PCNT: variants seen among roughly 807,000 people sequenced by gnomAD.
The protein encoded by PCNT is kendrin.
A neutral mutation model predicts 380.4 loss-of-function variants in PCNT; 319 were observed. The ratio of observed to expected loss-of-function variants is 0.84; its 90% confidence interval spans 0.77 to 0.92. The LOEUF (loss-of-function observed/expected upper bound fraction) is 0.92, where lower values mean the gene tolerates loss of function less well. Ranked by LOEUF, PCNT falls within the 40% of genes least tolerant of loss-of-function variation. The pLI is 0.00. For synonymous variants in PCNT, 1,845 were observed against 1,735.2 expected, an observed-to-expected ratio of 1.06 and a Z score of -1.57; for missense variants, 4,400 against 4,255.3, an observed-to-expected ratio of 1.03 and a Z score of -0.95.
chr21:46,360,390 GT>G (rs34067249), intron 13 of PCNT, among the ~76,000 whole-genome samples: 124,672 of 143,258 alleles, frequency 0.87, 54,184 homozygotes, highest in African/African-American at 0.9. Flanking sequence ...CGCCTGGCTA[GT>G]TTTTTTTTTA....
In PCNT at chr21:46,385,955, G is replaced by T. The variant is rs769768622; in HGVS notation, c.3436G>T (p.Ala1146Ser). 16 of 1,614,056 alleles carry T rather than the reference G, an allele frequency of 9.9e-6. No individual in the cohort carries two copies. Reference sequence around the variant, plus strand: ...CGCAAACCTCCTCTCCATGCTCAAGGCCGACGTCAACCTGTCCCACAGCGA... The same window carrying T: ...CGCAAACCTCCTCTCCATGCTCAAGTCCGACGTCAACCTGTCCCACAGCGA... Reference protein sequence around the residue: ...EGANLLSMLKADVNLSHSERG... With the variant: ...EGANLLSMLKSDVNLSHSERG... Residue 1146 changes from alanine to serine, a missense_variant, in exon 17 of 47, where the codon GCC (alanine) becomes TCC (serine). Physicochemically the swap from Ala to Ser is moderately conservative, Grantham distance 99. Transcript: ENST00000359568.
At position 46,427,643 on chromosome 21, in the gene PCNT, G is replaced by C; in HGVS notation, c.7342G>C (p.Asp2448His). The C allele has an allele frequency of 1.9e-6, 3 of 1,613,956 alleles. No individual in the cohort carries two copies. The highest frequency in any genetic ancestry group is 2.5e-6 in the Non-Finnish European group (3 of 1,180,024). The change falls in exon 34 of 47, where the codon GAT becomes CAT. Residue 2448 changes from aspartate (D) to histidine (H), a missense_variant. Asp to His is a moderately conservative substitution (Grantham distance 81). Transcript: ENST00000359568. ...KTQEVPTACP[D>H]WRGDLLQVVQ... is the part of the protein sequence containing the mutation. ...TTAGGAAGTGCCCACCGCGTGCCCC[G>C]ATTGGAGAGGGGACCTTCTGCAGGT...
Position 46,336,883 on chromosome 21 carries a change from T to TCC in PCNT, c.639+2121_639+2122dup, listed in dbSNP as rs36164168. On this transcript the variant is annotated intron_variant, in intron 3 of 46. Coordinates refer to ENST00000359568, the MANE Select transcript of PCNT (RefSeq NM_006031.6). ...CAGCACCACAGAGTTCATTCTGCCC[T>TCC]CCCCCCCAGGTTTATTTGCAGTTTC... 9.9e-5 allele frequency among the ~76,000 whole-genome samples: 15 copies of TCC among 151,698 alleles called. 1 individual carries two copies. Among genetic ancestry groups the TCC allele is most frequent in the African/African-American group, 2.4e-4 (10 of 41,322 alleles).
intron 12 of PCNT, 112 bp from the exon 13 acceptor site, chr21:46,356,862 C>G: frequency 1.2e-6 from 1 of 863,438 alleles, no homozygotes; most frequent in Non-Finnish European, 1.9e-6. Context: ...TGAAAATCCA[C>G]AGTGTCTGCT....
chr21:46,325,394 G>A (rs1408998385), intron 1 of PCNT, among the ~76,000 whole-genome samples: 1 of 152,192 alleles, frequency 6.6e-6, no homozygotes, highest in Non-Finnish European at 1.5e-5. Context: ...AGGGTGGAGG[G>A]GGGAGGGAGG....
At chr21:46,408,340 T>C (rs746729444) in intron 27 of PCNT, among the ~76,000 whole-genome samples, 2 of 152,368 alleles carry the variant, frequency 1.3e-5, no homozygotes, top group East Asian at 1.9e-4. Flanking sequence ...TTGGCAGTGA[T>C]GAATCGAGCC....
At chr21:46,372,024 C>T (rs1265789314) in intron 15 of PCNT, among the ~76,000 whole-genome samples, 1 of 151,546 alleles carries the variant, frequency 6.6e-6, no homozygotes. Context: ...ACACACACAG[C>T]ACATACATGC....
chr21:46,411,044 C>T, intron 27 of PCNT, 145 bp from the exon 28 acceptor site: 3 of 839,158 alleles, frequency 3.6e-6, no homozygotes, highest in African/African-American at 1.7e-5. Context: ...CATCCGGCAC[C>T]AGCAGTTTGC....
chr21:46,345,437 C>T (rs1332158161), intron 3 of PCNT, among the ~76,000 whole-genome samples: 1 of 152,080 alleles, frequency 6.6e-6, no homozygotes, highest in Non-Finnish European at 1.5e-5. Context: ...AGGCTGGTCT[C>T]GAACTCCTGA....
At chr21:46,399,109 G>A (rs1466818801) in intron 24 of PCNT, among the ~76,000 whole-genome samples, 1 of 152,330 alleles carries the variant, frequency 6.6e-6, no homozygotes, top group South Asian at 2.1e-4. Context: ...GTGAGCCACC[G>A]CGCCGGCTGT....
Position 46,381,751 on chromosome 21 carries a change from C to T in PCNT, c.3223C>T (p.Leu1075Phe), listed in dbSNP as rs2085550399. 2 of 1,614,100 alleles carry T rather than the reference C, an allele frequency of 1.2e-6. No homozygotes were observed. Among genetic ancestry groups the T allele is most frequent in the African/African-American group, 1.3e-5 (1 of 75,056 alleles). The stretch of plus-strand genomic sequence containing the variant: ...GCATGAAAAAGAGGAGACACTTCGG[C>T]TTCAGAGTGCACAGGCACAGCCTTT... ...ALHEKEETLR[L>F]QSAQAQPFHQ... Residue 1075 changes from leucine (L) to phenylalanine (F), a missense_variant, in exon 16 of 47, where the codon CTT becomes TTT. Leu to Phe is a conservative substitution (Grantham distance 22). Coordinates refer to ENST00000359568, the MANE Select transcript of PCNT (RefSeq NM_006031.6).
Position 46,353,162 on chromosome 21 carries a change from G to A in PCNT, c.1515G>A (p.Lys505=). Residue 505 remains lysine, a synonymous_variant, in exon 10 of 47, where the codon AAG becomes AAA. Transcript: ENST00000359568. ...GTGTGGAAGATTTAGAACAGCTGAA[G>A]CAGCGAGAAAAAACCCAGCATGAGT... ...TSRVEDLEQL[K]QREKTQHESE... is the part of the protein sequence containing the mutation. 6.2e-7 allele frequency: 1 copy of A among 1,614,140 alleles called. No individual in the cohort carries two copies. Among genetic ancestry groups the A allele is most frequent in the East Asian group, 2.2e-5 (1 of 44,890 alleles).
Position 46,435,834 on chromosome 21 carries a change from GC to G in PCNT, c.8752-67del, listed in dbSNP as rs1158005075. 1.8e-5 allele frequency: 28 copies of G among 1,595,310 alleles called. No individual in the cohort carries two copies. In the Admixed American group the frequency reaches 3.5e-4, roughly 20 times the overall value. ...TAGGATTACAGGCATGAACCACCGC[GC>G]CCGGCCGGCAGTTTTGTTTTTGGAC... On this transcript the variant is annotated intron_variant, in intron 38 of 46. Transcript: ENST00000359568.
intron 27 of PCNT, among the ~76,000 whole-genome samples, chr21:46,406,284 T>A (rs2086621129): frequency 6.6e-6 from 1 of 152,250 alleles, no homozygotes; most frequent in Non-Finnish European, 1.5e-5. Context: ...ACTCTGGGGT[T>A]AGTGATGTTT....
At chr21:46,400,378 A>C (rs2086379328) in intron 25 of PCNT, among the ~76,000 whole-genome samples, 1 of 152,236 alleles carries the variant, frequency 6.6e-6, no homozygotes, top group South Asian at 2.1e-4. Context: ...CATTTAGCTA[A>C]AAGGAATTCA....
rs146645704 is a variant in PCNT at position 46,328,197 on chromosome 21, A to G, written c.267+1608A>G. 2.9e-3 allele frequency among the ~76,000 whole-genome samples: 440 copies of G among 151,770 alleles called. 2 individuals are homozygous for G. Among genetic ancestry groups the G allele is most frequent in the Middle Eastern group, 0.021 (6 of 288 alleles). On this transcript the variant is annotated intron_variant, in intron 2 of 46. Coordinates refer to ENST00000359568, the MANE Select transcript of PCNT (RefSeq NM_006031.6). ...AGTTAAAATTTGTGTTATTCTACCT[A>G]CAAATCCTGAATTTTGCTTTTTATC...
intron 15 of PCNT, among the ~76,000 whole-genome samples, chr21:46,380,823 C>A (rs1215698236): frequency 2.0e-5 from 3 of 152,018 alleles, no homozygotes. Context: ...CTTACTTTGC[C>A]ATTCTAGAAG....
At chr21:46,414,014 CAG>C (rs2086910491) in intron 29 of PCNT, among the ~76,000 whole-genome samples, 3 of 144,290 alleles carry the variant, frequency 2.1e-5, no homozygotes, top group African/African-American at 7.8e-5. Context: ...TTTTTTGAGA[CAG>C]AGTCTTGCTC....
chr21:46,416,323 G>A lies in PCNT; in HGVS notation c.6405G>A (p.Thr2135=), dbSNP rs1375876582. 12 of 1,613,736 alleles carry A rather than the reference G, an allele frequency of 7.4e-6. No individual in the cohort carries two copies. Among genetic ancestry groups the A allele is most frequent in the South Asian group, 2.2e-5 (2 of 91,052 alleles). Residue 2135 remains threonine, a synonymous_variant, in exon 30 of 47, where the codon ACG becomes ACA. Coordinates refer to ENST00000359568, the MANE Select transcript of PCNT (RefSeq NM_006031.6). The part of the protein sequence containing the change: ...HIDTCDANTA[T]GGVTDVIKNQ... The stretch of plus-strand genomic sequence containing the variant: ...ACACATGTGATGCCAATACAGCCAC[G>A]GGGGGTGTAACTGATGTTATCAAAA...
Sources: allele counts gnomAD v4.1 joint callset (sites outside exome capture counted in the v4.1 genomes callset), GRCh38; gene constraint gnomAD v4.1.1; transcripts MANE v1.5; gene names NCBI Gene and HGNC (gene_info 2026-07-23, HGNC 2026-07-21).